VWA8: variants seen among roughly 807,000 people sequenced by gnomAD.
VWA8 encodes von Willebrand factor A domain containing 8.
VWA8 carries 221 observed loss-of-function variants against 241.5 expected under a neutral mutation model. The ratio of observed to expected loss-of-function variants is 0.91; its 90% CI spans 0.82 to 1.02. The LOEUF (loss-of-function observed/expected upper bound fraction) is 1.02. Ranked by LOEUF, VWA8 falls within the 50% of genes least tolerant of loss-of-function variation. The pLI is 0.00. For synonymous variants in VWA8, 852 were observed against 827.1 expected, an observed-to-expected ratio of 1.03 and a Z score of -0.52; for missense variants, 2,322 against 2,328.7, an observed-to-expected ratio of 1.00 and a Z score of 0.06.
chr13:41,874,619 G>C (rs1443013774), intron 9 of VWA8, among the ~76,000 whole-genome samples: 1 of 152,074 alleles, frequency 6.6e-6, no homozygotes, highest in Non-Finnish European at 1.5e-5. Flanking sequence ...TATTTAAACT[G>C]TGAATTATAA....
chr13:41,676,129 C>T (rs887494344), intron 35 of VWA8, among the ~76,000 whole-genome samples: 2 of 152,054 alleles, frequency 1.3e-5, no homozygotes, highest in African/African-American at 2.4e-5. Context: ...TTGTTACTGT[C>T]TTTGTTTGGA....
Position 41,568,078 on chromosome 13 carries a change from G to A in VWA8, c.*119C>T. The A allele has an allele frequency of 1.2e-6, 1 of 808,844 alleles. No homozygotes were observed. The highest frequency in any genetic ancestry group is 1.7e-5 in the South Asian group (1 of 57,876). 50.1% of individuals were successfully genotyped at this position (808,844 alleles called of 1,614,324 possible). Reference sequence around the variant, plus strand: ...AGCAAGTGTAGGAAGACCCAGGAATGCCGGAATCATCCAGTCACTGCATGG... The same window carrying A: ...AGCAAGTGTAGGAAGACCCAGGAATACCGGAATCATCCAGTCACTGCATGG... On this transcript the variant is annotated 3_prime_UTR_variant, in exon 45 of 45. Transcript: ENST00000379310.
intron 43 of VWA8, among the ~76,000 whole-genome samples, chr13:41,573,654 C>T (rs907459764): frequency 5.8e-5 from 8 of 138,432 alleles, no homozygotes; most frequent in East Asian, 2.2e-4. Context: ...GTTGCTCTGT[C>T]GCCCAGGCTG....
intron 37 of VWA8, among the ~76,000 whole-genome samples, chr13:41,638,748 T>G (rs1453967219): frequency 1.3e-5 from 2 of 152,170 alleles, no homozygotes; most frequent in Non-Finnish European, 2.9e-5. Flanking sequence ...AATCCCTTTA[T>G]GAGGCTTTAT....
intron 12 of VWA8, among the ~76,000 whole-genome samples, chr13:41,834,145 A>AT (rs1871610938): frequency 6.6e-6 from 1 of 152,218 alleles, no homozygotes; most frequent in South Asian, 2.1e-4. Context: ...CTTAAAAGCA[A>AT]TTTTTAAAAG....
intron 37 of VWA8, among the ~76,000 whole-genome samples, chr13:41,655,932 C>T (rs1411806910): frequency 6.6e-6 from 1 of 152,116 alleles, no homozygotes; most frequent in East Asian, 1.9e-4. Context: ...AGAGGCCTTC[C>T]CTACCATCAA....
At chr13:41,582,422 G>T (rs946632837) in intron 42 of VWA8, among the ~76,000 whole-genome samples, 8 of 152,124 alleles carry the variant, frequency 5.3e-5, no homozygotes. Flanking sequence ...GGCTTCTGAA[G>T]GTTTCAAAGC....
chr13:41,776,239 G>T (rs1868586535), intron 20 of VWA8, among the ~76,000 whole-genome samples: 1 of 152,200 alleles, frequency 6.6e-6, no homozygotes, highest in African/African-American at 2.4e-5. Context: ...GGTGATGGCA[G>T]AAGTTCTGAA....
At chr13:41,756,009 CAA>C (rs1309573841) in intron 21 of VWA8, among the ~76,000 whole-genome samples, 10 of 151,478 alleles carry the variant, frequency 6.6e-5, no homozygotes, top group Non-Finnish European at 1.2e-4. Context: ...ACAAAACATA[CAA>C]AAGAGAGTTT....
At chr13:41,912,272 A>C in intron 2 of VWA8, 104 bp from the exon 3 acceptor site, 1 of 844,460 alleles carries the variant, frequency 1.2e-6, no homozygotes, top group Non-Finnish European at 1.6e-6. Context: ...ACGTATATAA[A>C]ATATGTGTTT....
intron 42 of VWA8, among the ~76,000 whole-genome samples, chr13:41,585,575 T>C (rs184842380): frequency 6.6e-4 from 100 of 152,198 alleles, no homozygotes; most frequent in African/African-American, 2.2e-3. Context: ...GGTTAAAATC[T>C]CCCTATAGGG....
At chr13:41,574,109 A>AAATT (rs2044334365) in intron 43 of VWA8, among the ~76,000 whole-genome samples, 1 of 152,078 alleles carries the variant, frequency 6.6e-6, no homozygotes, top group South Asian at 2.1e-4. Context: ...GCACCTGCAA[A>AAATT]AATTAAAAAT....
At chr13:41,615,199 C>T in intron 37 of VWA8, 115 bp from the exon 38 acceptor site, 1 of 1,001,782 alleles carries the variant, frequency 1.0e-6, no homozygotes, top group East Asian at 2.7e-5. Context: ...AACCTCAGGC[C>T]ACTGGACTTG....
At chr13:41,642,348 A>G (rs1297910480) in intron 37 of VWA8, among the ~76,000 whole-genome samples, 1 of 152,136 alleles carries the variant, frequency 6.6e-6, no homozygotes, top group South Asian at 2.1e-4. Context: ...TCACGAGGTC[A>G]GGAGTTCGAG....
chr13:41,702,306 T>C (rs1285624542), intron 27 of VWA8, among the ~76,000 whole-genome samples: 1 of 152,202 alleles, frequency 6.6e-6, no homozygotes, highest in Non-Finnish European at 1.5e-5. Flanking sequence ...GTCTATATCT[T>C]GAGGGCTAGG....
chr13:41,870,537 G>A (rs1593832109), intron 9 of VWA8, among the ~76,000 whole-genome samples: 3 of 151,856 alleles, frequency 2.0e-5, no homozygotes, highest in Admixed American at 2.0e-4. Flanking sequence ...TACTCGGGAG[G>A]CTGGGTCAGG....
intron 21 of VWA8, among the ~76,000 whole-genome samples, chr13:41,742,169 G>A (rs754316978): frequency 2.6e-5 from 4 of 152,152 alleles, no homozygotes; most frequent in Non-Finnish European, 4.4e-5. Flanking sequence ...TTCATTTCAT[G>A]GAAAATATGA....
chr13:41,721,688 G>T, intron 24 of VWA8, 113 bp from the exon 25 acceptor site: 2 of 1,129,236 alleles, frequency 1.8e-6, no homozygotes, highest in Non-Finnish European at 2.5e-6. Flanking sequence ...AGCATAGAAA[G>T]CCCATCCAAC....
intron 42 of VWA8, among the ~76,000 whole-genome samples, chr13:41,578,477 C>G (rs2044363968): frequency 2.0e-5 from 3 of 152,246 alleles, no homozygotes; most frequent in Middle Eastern, 3.4e-3. Flanking sequence ...CTAGTATCTG[C>G]TATCCAAGGA....
Sources: allele counts gnomAD v4.1 joint callset (sites outside exome capture counted in the v4.1 genomes callset), GRCh38; gene constraint gnomAD v4.1.1; transcripts MANE v1.5; gene names NCBI Gene and HGNC (gene_info 2026-07-23, HGNC 2026-07-21).